The following WDPCP variants were observed in gnomAD, a reference collection of about 807,000 sequenced individuals.
WDPCP encodes the protein WD repeat-containing and planar cell polarity effector protein fritz homolog.
WDPCP carries 71 observed loss-of-function variants against 93.1 expected under a neutral mutation model. The ratio of observed to expected loss-of-function variants is 0.76; its 90% CI spans 0.63 to 0.93. WDPCP has a LOEUF of 0.93. Among genes scored for constraint, WDPCP ranks in the 40% least tolerant of loss-of-function variants. The pLI, the probability that WDPCP is intolerant of heterozygous loss-of-function variation, is 0.00. For synonymous variants in WDPCP, 315 were observed against 315.0 expected (o/e 1.00, Z 0.00); for missense variants, 844 against 887.4 (o/e 0.95, Z 0.62).
intron 2 of WDPCP, among the ~76,000 whole-genome samples, chr2:63,744,356 G>A (rs1250647650): frequency 1.3e-5 from 2 of 151,992 alleles, no homozygotes; most frequent in Admixed American, 6.6e-5. Context: ...ATCATTCCTC[G>A]TTTTTGTCTT....
At chr2:63,542,409 G>A (rs1395264029) in intron 1 of WDPCP, among the ~76,000 whole-genome samples, 2 of 152,164 alleles carry the variant, frequency 1.3e-5, no homozygotes, top group Non-Finnish European at 2.9e-5. Context: ...TTAAAAGAAC[G>A]ATTTCTGAGG....
chr2:63,376,855 T>G (rs1691893271), intron 12 of WDPCP, among the ~76,000 whole-genome samples: 1 of 151,954 alleles, frequency 6.6e-6, no homozygotes. Context: ...CTAAAATTGC[T>G]GTTTTCCAGA....
upstream of WDPCP, chr2:63,588,982 G>A: frequency 1.2e-6 from 2 of 1,613,722 alleles, no homozygotes; most frequent in Non-Finnish European, 8.5e-7. Context: ...CCGCGGTAGA[G>A]GTGACCTGAC....
upstream of WDPCP, among the ~76,000 whole-genome samples, chr2:63,832,561 T>C (rs910516477): frequency 5.3e-5 from 8 of 152,194 alleles, no homozygotes; most frequent in Admixed American, 1.3e-4. Context: ...TGCTTAGAAG[T>C]GATCACTTTT....
chr2:63,452,326 C>T (rs1267952904), intron 6 of WDPCP, among the ~76,000 whole-genome samples: 2 of 152,082 alleles, frequency 1.3e-5, no homozygotes, highest in South Asian at 2.1e-4. Context: ...AAATCACGAG[C>T]GAACTCCCAT....
At chr2:63,332,578 C>A (rs1054553715) in intron 12 of WDPCP, among the ~76,000 whole-genome samples, 1 of 151,954 alleles carries the variant, frequency 6.6e-6, no homozygotes, top group Non-Finnish European at 1.5e-5. Context: ...TTTTTTATTG[C>A]GTTATCTTAC....
At chr2:63,391,079 C>G (rs1030324142) in intron 10 of WDPCP, among the ~76,000 whole-genome samples, 7 of 152,114 alleles carry the variant, frequency 4.6e-5, no homozygotes, top group African/African-American at 1.7e-4. Context: ...CTGGCAGAGA[C>G]ACACACAAAA....
intron 2 of WDPCP, among the ~76,000 whole-genome samples, chr2:63,776,936 A>G (rs1670313406): frequency 6.6e-6 from 1 of 152,160 alleles, no homozygotes; most frequent in South Asian, 2.1e-4. Flanking sequence ...AGAGAATGGG[A>G]AGAGGTTGGT....
At chr2:63,762,627 G>A (rs960938446) in intron 2 of WDPCP, among the ~76,000 whole-genome samples, 4 of 152,202 alleles carry the variant, frequency 2.6e-5, no homozygotes, top group Non-Finnish European at 5.9e-5. Context: ...GGAACTCTCT[G>A]AAGGGTCCCG....
intron 14 of WDPCP, among the ~76,000 whole-genome samples, chr2:63,219,211 G>A (rs1288055808): frequency 6.6e-6 from 1 of 152,162 alleles, no homozygotes; most frequent in Admixed American, 6.5e-5. Context: ...AGAAGTAGAG[G>A]TATTATAACC....
At chr2:63,232,685 A>G (rs1679025625) in intron 14 of WDPCP, 1 of 152,954 alleles carries the variant, frequency 6.5e-6, no homozygotes, top group African/African-American at 2.4e-5. Flanking sequence ...CCTCTTATGA[A>G]TGGGTTTGCT....
intron 1 of WDPCP, among the ~76,000 whole-genome samples, chr2:63,526,500 G>A (rs1703347758): frequency 1.3e-5 from 2 of 152,132 alleles, no homozygotes; most frequent in Admixed American, 6.5e-5. Context: ...AAAGATATCA[G>A]AACAAAACTC....
chr2:63,392,834 G>A (rs1165459102), intron 10 of WDPCP, among the ~76,000 whole-genome samples: 1 of 152,186 alleles, frequency 6.6e-6, no homozygotes, highest in African/African-American at 2.4e-5. Flanking sequence ...AAACCACAAT[G>A]AGATACCATC....
chr2:63,171,918 C>G (rs978522298), intron 15 of WDPCP, among the ~76,000 whole-genome samples: 1 of 152,038 alleles, frequency 6.6e-6, no homozygotes, highest in African/African-American at 2.4e-5. Context: ...GTGAAAGAAG[C>G]CAGATACAAA....
intron 13 of WDPCP, among the ~76,000 whole-genome samples, chr2:63,293,095 C>T (rs1684568704): frequency 6.6e-6 from 1 of 152,158 alleles, no homozygotes; most frequent in Non-Finnish European, 1.5e-5. Context: ...CACCTCACCC[C>T]TCATTATTGC....
At chr2:63,601,950 C>T (rs150869975) in intron 3 of WDPCP, among the ~76,000 whole-genome samples, 3 of 152,220 alleles carry the variant, frequency 2.0e-5, no homozygotes, top group East Asian at 1.9e-4. Flanking sequence ...TCATGGCAGA[C>T]GTAAAAAATG....
intron 13 of WDPCP, among the ~76,000 whole-genome samples, chr2:63,261,954 G>A (rs1681666798): frequency 6.6e-6 from 1 of 152,132 alleles, no homozygotes; most frequent in African/African-American, 2.4e-5. Context: ...CAACTAAAAT[G>A]TACAATCAAA....
chr2:63,831,813 C>G (rs115957029), upstream of WDPCP, among the ~76,000 whole-genome samples: 865 of 152,144 alleles, frequency 5.7e-3, 12 homozygotes, highest in African/African-American at 0.02. Flanking sequence ...AAGCACATCT[C>G]TAAGTTTGGG....
At chr2:63,714,530 C>T (rs903391427) in intron 2 of WDPCP, among the ~76,000 whole-genome samples, 1 of 152,124 alleles carries the variant, frequency 6.6e-6, no homozygotes, top group Non-Finnish European at 1.5e-5. Flanking sequence ...TACCATACAA[C>T]CCAGCAATTC....
Sources: gnomAD v4.1 joint callset for allele counts (sites outside exome capture counted in the v4.1 genomes callset) on GRCh38, gnomAD v4.1.1 for gene constraint, MANE v1.5 for transcripts, NCBI Gene and HGNC (gene_info 2026-07-23, HGNC 2026-07-21) for gene names.